Variants in GRID2 observed in about 807,000 individuals in gnomAD.
GRID2 encodes glutamate receptor ionotropic, delta-2.
GRID2 carries 33 observed loss-of-function variants against 114.8 expected under a neutral mutation model. The ratio of observed to expected loss-of-function variants is 0.29; its 90% CI spans 0.22 to 0.38. The LOEUF is 0.38. Ranked by LOEUF, GRID2 falls within the 10% of genes least tolerant of loss-of-function variation. The probability of loss-of-function intolerance (pLI) is 1.00; values close to 1 mark genes in which losing one functional copy is unlikely to be tolerated. For synonymous variants in GRID2, 505 were observed against 449.9 expected (o/e 1.12, Z -1.55); for missense variants, 1,184 against 1,257.7 (o/e 0.94, Z 0.89).
At chr4:92,922,278 G>A (rs1749421320) in intron 2 of GRID2, among the ~76,000 whole-genome samples, 1 of 152,136 alleles carries the variant, frequency 6.6e-6, no homozygotes, top group South Asian at 2.1e-4. Context: ...GGAATTCCCT[G>A]ACCCCTTGCG....
At chr4:93,194,998 A>C (rs1021889684) in intron 4 of GRID2, among the ~76,000 whole-genome samples, 1 of 152,202 alleles carries the variant, frequency 6.6e-6, no homozygotes, top group African/African-American at 2.4e-5. Context: ...TTAAGGGTAT[A>C]TTACAAGAAG....
chr4:93,483,279 CTA>C (rs1726052418), intron 11 of GRID2, among the ~76,000 whole-genome samples: 1 of 151,908 alleles, frequency 6.6e-6, no homozygotes, highest in South Asian at 2.1e-4. Flanking sequence ...TTTCTATTTA[CTA>C]TGAGTTTTTA....
chr4:93,497,986 ATTTAT>A (rs1159539762), intron 12 of GRID2, among the ~76,000 whole-genome samples: 1 of 151,658 alleles, frequency 6.6e-6, no homozygotes, highest in Non-Finnish European at 1.5e-5. Flanking sequence ...TAGATCTTTG[ATTTAT>A]TTTATCAGCA....
At chr4:92,603,146 A>G (rs1428705976) in intron 2 of GRID2, among the ~76,000 whole-genome samples, 1 of 152,180 alleles carries the variant, frequency 6.6e-6, no homozygotes, top group African/African-American at 2.4e-5. Context: ...TATAGATTCA[A>G]TGCTATTCCC....
chr4:92,822,258 T>C, intron 2 of GRID2: 1 of 567,206 alleles, frequency 1.8e-6, no homozygotes, highest in Non-Finnish European at 3.5e-6. Context: ...GTGCTTGCCT[T>C]TGTTGAGATC....
intron 13 of GRID2, 28 bp downstream of exon 13, chr4:93,515,439 T>A (rs774617329): frequency 4.3e-6 from 6 of 1,399,672 alleles, no homozygotes; most frequent in Admixed American, 3.7e-5. Flanking sequence ...CCTTTAATAG[T>A]CCTTACCATT....
intron 2 of GRID2, among the ~76,000 whole-genome samples, chr4:92,806,095 G>C (rs12643216): frequency 0.023 from 3,480 of 149,500 alleles, 100 homozygotes; most frequent in East Asian, 0.12. Context: ...CCTTTTATAT[G>C]TACTGTGATT....
chr4:92,704,923 A>G (rs1734886260), intron 2 of GRID2, among the ~76,000 whole-genome samples: 1 of 152,070 alleles, frequency 6.6e-6, no homozygotes. Flanking sequence ...AGTGTCACCT[A>G]TTTCTATATC....
Position 93,019,968 on chromosome 4 carries a change from C to T in GRID2, c.245-65027C>T, listed in dbSNP as rs530502985. 3.9e-5 allele frequency among the ~76,000 whole-genome samples: 6 copies of T among 152,084 alleles called. No individual in the cohort carries two copies. The South Asian group carries it at 1.0e-3, about 26-fold the overall frequency. ...AGGTAAGAGAATGCATTGTGGAATC[C>T]GATTGCCTGTGTTCAGATTCTTCAT... On this transcript the variant is annotated intron_variant, in intron 2 of 15. Transcript: ENST00000282020.
At chr4:92,561,359 A>T (rs185845066) in intron 1 of GRID2, among the ~76,000 whole-genome samples, 14 of 152,332 alleles carry the variant, frequency 9.2e-5, no homozygotes, top group Non-Finnish European at 1.9e-4. Context: ...ACTTGAGTTT[A>T]TACCTTACTT....
chr4:92,492,583 C>G (rs1192900704), intron 1 of GRID2, among the ~76,000 whole-genome samples: 1 of 152,004 alleles, frequency 6.6e-6, no homozygotes, highest in Non-Finnish European at 1.5e-5. Context: ...TCTACAAAGC[C>G]TTTATGTAGT....
intron 14 of GRID2, among the ~76,000 whole-genome samples, chr4:93,637,129 T>G (rs1578454670): frequency 6.6e-6 from 1 of 152,034 alleles, no homozygotes; most frequent in African/African-American, 2.4e-5. Flanking sequence ...CACAAGAAAA[T>G]GTAGCACAAA....
intron 2 of GRID2, among the ~76,000 whole-genome samples, chr4:92,985,008 TGTA>T (rs979478811): frequency 2.0e-5 from 3 of 152,068 alleles, no homozygotes; most frequent in Non-Finnish European, 4.4e-5. Context: ...TTTTCTTTAC[TGTA>T]ACACTGTGAT....
intron 7 of GRID2, among the ~76,000 whole-genome samples, chr4:93,234,166 T>C (rs1176517297): frequency 6.6e-6 from 1 of 152,080 alleles, no homozygotes; most frequent in Non-Finnish European, 1.5e-5. Context: ...CTTTTTGTCA[T>C]GGGGATTTAA....
At chr4:92,570,466 G>T (rs1201454272) in intron 1 of GRID2, among the ~76,000 whole-genome samples, 1 of 151,854 alleles carries the variant, frequency 6.6e-6, no homozygotes, top group Non-Finnish European at 1.5e-5. Flanking sequence ...AAGAATTTTA[G>T]AATATCTTTT....
At chr4:93,592,307 G>A (rs530653704) in intron 13 of GRID2, among the ~76,000 whole-genome samples, 30 of 152,162 alleles carry the variant, frequency 2.0e-4, no homozygotes, top group South Asian at 6.2e-4. Flanking sequence ...CCTTCATTTC[G>A]TTATGTACCC....
At chr4:92,957,750 G>T (rs1453733264) in intron 2 of GRID2, among the ~76,000 whole-genome samples, 1 of 151,976 alleles carries the variant, frequency 6.6e-6, no homozygotes, top group African/African-American at 2.4e-5. Flanking sequence ...GGGAAGAATT[G>T]ACATATTGAA....
chr4:92,799,591 T>C (rs1740058083), intron 2 of GRID2, among the ~76,000 whole-genome samples: 1 of 152,030 alleles, frequency 6.6e-6, no homozygotes, highest in South Asian at 2.1e-4. Context: ...CTAGCATCTC[T>C]TTTTTATACA....
chr4:93,348,478 T>A (rs751454976), intron 8 of GRID2, among the ~76,000 whole-genome samples: 3 of 152,164 alleles, frequency 2.0e-5, no homozygotes, highest in Non-Finnish European at 4.4e-5. Context: ...GTCAATGCAG[T>A]TAATGAAAAT....
Sources: allele counts gnomAD v4.1 joint callset (sites outside exome capture counted in the v4.1 genomes callset), GRCh38; gene constraint gnomAD v4.1.1; transcripts MANE v1.5; gene names NCBI Gene and HGNC (gene_info 2026-07-23, HGNC 2026-07-21).